BICD1: variants seen among roughly 807,000 people sequenced by gnomAD.
The protein encoded by BICD1 is BICD cargo adaptor 1, also known as protein bicaudal D homolog 1.
Under a neutral mutation model 92.5 loss-of-function variants are expected in BICD1, and 35 were observed. The observed-to-expected ratio is 0.38, with a 90% CI of 0.29 to 0.50. The LOEUF (loss-of-function observed/expected upper bound fraction) is 0.50. Among genes scored for constraint, BICD1 ranks in the 20% least tolerant of loss-of-function variants. The probability of loss-of-function intolerance (pLI) is 0.93; values close to 1 mark genes in which losing one functional copy is unlikely to be tolerated. For synonymous variants in BICD1, 429 were observed against 465.1 expected, an observed-to-expected ratio of 0.92 and a Z score of 1.00; for missense variants, 950 against 1,189.8, an observed-to-expected ratio of 0.80 and a Z score of 2.97.
intron 2 of BICD1, among the ~76,000 whole-genome samples, chr12:32,259,841 G>A (rs1946809673): frequency 6.6e-6 from 1 of 152,076 alleles, no homozygotes. Context: ...TGCAGAGTAG[G>A]CTTATAAGAG....
intron 1 of BICD1, among the ~76,000 whole-genome samples, chr12:32,182,901 T>C (rs1222060586): frequency 2.0e-5 from 3 of 146,384 alleles, no homozygotes; most frequent in African/African-American, 7.5e-5. Flanking sequence ...TTTTTTTTTT[T>C]TTTTTTTTAA....
chr12:32,318,524 G>T (rs113923661), intron 4 of BICD1, among the ~76,000 whole-genome samples: 1 of 151,998 alleles, frequency 6.6e-6, no homozygotes, highest in African/African-American at 2.4e-5. Flanking sequence ...GTCTGTTATT[G>T]GTGTATAAGA....
chr12:32,300,816 T>A (rs1948022887), intron 3 of BICD1, among the ~76,000 whole-genome samples: 1 of 145,990 alleles, frequency 6.8e-6, no homozygotes, highest in Admixed American at 6.7e-5. Context: ...AGCTAAATTT[T>A]TTTTTTTTGT....
Position 32,142,967 on chromosome 12 carries a change from AATAGTTCTCTCTT to A in BICD1, c.213+35424_213+35436del, listed in dbSNP as rs569774008. On this transcript the variant is annotated intron_variant, in intron 1 of 9. Transcript: ENST00000652176. ...GAGATCCTGGTGCTACAAGCCGTTA[AATAGTTCTCTCTT>A]CTCAACCTATTCCCCTATCCTGCTT... Among the ~76,000 whole-genome samples the A allele has an allele frequency of 3.4e-4, 52 of 152,306 alleles. No homozygotes were observed. The East Asian group carries it at 9.2e-3, about 27-fold the overall frequency.
At chr12:32,367,768 T>A (rs773208096) in intron 9 of BICD1, 23 bp downstream of exon 9, 9 of 1,601,382 alleles carry the variant, frequency 5.6e-6, no homozygotes, top group Non-Finnish European at 7.7e-6. Flanking sequence ...GTCCTTTCCC[T>A]TCCACCCAGC....
chr12:32,180,661 C>T (rs1275823046), intron 1 of BICD1, among the ~76,000 whole-genome samples: 1 of 151,952 alleles, frequency 6.6e-6, no homozygotes, highest in Non-Finnish European at 1.5e-5. Context: ...TTCTCCTAAC[C>T]TTCTTCTTTC....
At position 32,188,531 on chromosome 12, in the gene BICD1, AC is replaced by A. The variant is rs554133785; in HGVS notation, c.214-27713del. 8.5e-5 allele frequency among the ~76,000 whole-genome samples: 13 copies of A among 152,270 alleles called. No individual in the cohort carries two copies. The South Asian group carries it at 2.7e-3, about 32-fold the overall frequency. ...CGTAGTCTTAAGTTTACAATTCAAA[AC>A]CCATAGAGGTTCCCTGACATTACCT... On this transcript the variant is annotated intron_variant, in intron 1 of 9. Transcript: ENST00000652176.
intron 4 of BICD1, among the ~76,000 whole-genome samples, chr12:32,323,835 G>A (rs1354430462): frequency 2.0e-5 from 3 of 151,918 alleles, no homozygotes; most frequent in East Asian, 3.9e-4. Context: ...TAATTAATGG[G>A]GAAATTTACA....
intron 4 of BICD1, among the ~76,000 whole-genome samples, chr12:32,312,553 G>A (rs367598528): frequency 1.3e-5 from 2 of 152,326 alleles, no homozygotes; most frequent in East Asian, 3.9e-4. Context: ...AAAAGTATGG[G>A]AAAGGCAAGT....
intron 5 of BICD1, among the ~76,000 whole-genome samples, chr12:32,333,878 T>G (rs575019542): frequency 6.6e-6 from 1 of 152,340 alleles, no homozygotes; most frequent in South Asian, 2.1e-4. Context: ...AACCCCTACT[T>G]TTATGGAGAT....
intron 1 of BICD1, among the ~76,000 whole-genome samples, chr12:32,205,962 C>G (rs1044596801): frequency 1.3e-5 from 2 of 152,006 alleles, no homozygotes; most frequent in African/African-American, 4.8e-5. Flanking sequence ...ACTGAATGTA[C>G]TCTTGCTTTT....
At chr12:32,197,132 C>T (rs1412164240) in intron 1 of BICD1, among the ~76,000 whole-genome samples, 2 of 151,960 alleles carry the variant, frequency 1.3e-5, no homozygotes, top group African/African-American at 2.4e-5. Context: ...CCTCAGCCTC[C>T]GGAGTAGCTG....
chr12:32,293,062 G>A (rs1458401953), intron 2 of BICD1, among the ~76,000 whole-genome samples: 1 of 151,948 alleles, frequency 6.6e-6, no homozygotes, highest in Non-Finnish European at 1.5e-5. Context: ...AAAATCAAAC[G>A]AATAGGCTCC....
chr12:32,330,815 T>A (rs950954456), intron 5 of BICD1, among the ~76,000 whole-genome samples: 1 of 152,136 alleles, frequency 6.6e-6, no homozygotes. Flanking sequence ...AGATAACTTC[T>A]CTGACTTCTT....
At chr12:32,176,584 A>G (rs1260390939) in intron 1 of BICD1, among the ~76,000 whole-genome samples, 4 of 152,198 alleles carry the variant, frequency 2.6e-5, no homozygotes, top group Non-Finnish European at 5.9e-5. Context: ...TTTGATTTCT[A>G]TCATTCTATC....
intron 1 of BICD1, among the ~76,000 whole-genome samples, chr12:32,153,939 C>T (rs1213482102): frequency 6.6e-6 from 1 of 151,940 alleles, no homozygotes; most frequent in Non-Finnish European, 1.5e-5. Flanking sequence ...GGTCTGGTCA[C>T]CATCACTGAA....
At chr12:32,364,313 C>G (rs1320267714) in intron 8 of BICD1, among the ~76,000 whole-genome samples, 1 of 152,192 alleles carries the variant, frequency 6.6e-6, no homozygotes, top group East Asian at 1.9e-4. Flanking sequence ...CTAGTTCCTT[C>G]AAGGGTGAGC....
At chr12:32,203,901 C>G (rs1345487718) in intron 1 of BICD1, among the ~76,000 whole-genome samples, 4 of 152,158 alleles carry the variant, frequency 2.6e-5, no homozygotes, top group East Asian at 1.9e-4. Flanking sequence ...GAATGTGGGA[C>G]TTCTCTTCAT....
chr12:32,254,088 A>C (rs1946650865), intron 2 of BICD1, among the ~76,000 whole-genome samples: 1 of 112,026 alleles, frequency 8.9e-6, no homozygotes, highest in Non-Finnish European at 1.8e-5. Context: ...TCACTGCCAT[A>C]TTCCACGTCA....
Sources: gnomAD v4.1 joint callset for allele counts (sites outside exome capture counted in the v4.1 genomes callset) on GRCh38, gnomAD v4.1.1 for gene constraint, MANE v1.5 for transcripts, NCBI Gene and HGNC (gene_info 2026-07-23, HGNC 2026-07-21) for gene names.